CACNB2: variants seen among roughly 807,000 people sequenced by gnomAD.
The protein encoded by CACNB2 is calcium voltage-gated channel auxiliary subunit beta 2, also known as voltage-dependent L-type calcium channel subunit beta-2.
In CACNB2, 42 loss-of-function variants were observed where a neutral mutation model predicts 73.3. That is an observed-to-expected ratio of 0.57 (90% CI 0.45 to 0.74). CACNB2 has a LOEUF of 0.74. Ranked by LOEUF, CACNB2 falls within the 30% of genes least tolerant of loss-of-function variation. CACNB2 has a pLI of 0.00. For synonymous variants in CACNB2, 348 were observed against 310.3 expected (o/e 1.12, Z -1.28); for missense variants, 940 against 853.0 (o/e 1.10, Z -1.27).
At chr10:18,141,191 G>A in intron 1 of CACNB2, 1 of 1,466,830 alleles carries the variant, frequency 6.8e-7, no homozygotes, top group Non-Finnish European at 9.2e-7. Context: ...TGAATCAGGG[G>A]AGTGGACTGG....
chr10:18,282,838 G>C (rs576563887), intron 2 of CACNB2, among the ~76,000 whole-genome samples: 47 of 152,296 alleles, frequency 3.1e-4, no homozygotes, highest in African/African-American at 1.1e-3. Context: ...TCTAATTAAA[G>C]AGCTTCTGCA....
chr10:18,155,478 G>C (rs1254181063), intron 2 of CACNB2, among the ~76,000 whole-genome samples: 1 of 152,182 alleles, frequency 6.6e-6, no homozygotes, highest in African/African-American at 2.4e-5. Context: ...TAGACATTGG[G>C]CCATTTCCAG....
At chr10:18,527,358 C>A (rs187817539) in intron 9 of CACNB2, among the ~76,000 whole-genome samples, 135 of 151,804 alleles carry the variant, frequency 8.9e-4, no homozygotes, top group Non-Finnish European at 1.6e-3. Context: ...CCTGGGCAGC[C>A]TGGGCGAGAC....
At chr10:18,356,266 C>A (rs1353244606) in intron 2 of CACNB2, among the ~76,000 whole-genome samples, 1 of 152,216 alleles carries the variant, frequency 6.6e-6, no homozygotes. Context: ...GCCCAGCACC[C>A]ACTTTGCATC....
intron 2 of CACNB2, among the ~76,000 whole-genome samples, chr10:18,234,757 A>G (rs969455816): frequency 7.2e-5 from 11 of 152,328 alleles, no homozygotes; most frequent in South Asian, 2.1e-4. Flanking sequence ...TACGGAGTTC[A>G]GTTTGGGATG....
At chr10:18,518,721 C>T (rs1240529675) in intron 8 of CACNB2, among the ~76,000 whole-genome samples, 189 bp from the exon 9 acceptor site, 2 of 152,172 alleles carry the variant, frequency 1.3e-5, no homozygotes, top group African/African-American at 4.8e-5. Context: ...ACTAAAACAT[C>T]ATGATAAGTT....
intron 4 of CACNB2, among the ~76,000 whole-genome samples, chr10:18,499,805 T>TACAAA (rs756799139): frequency 2.5e-5 from 3 of 117,776 alleles, no homozygotes; most frequent in African/African-American, 9.8e-5. Flanking sequence ...ACCCCATCTC[T>TACAAA]AAAAAAAAAA....
Position 18,539,476 on chromosome 10 carries a change from G to A in CACNB2, c.1735G>A (p.Val579Met), listed in dbSNP as rs544535665. 39 of 1,613,840 alleles carry A rather than the reference G, an allele frequency of 2.4e-5. No homozygotes were observed. Among genetic ancestry groups the A allele is most frequent in the East Asian group, 6.7e-5 (3 of 44,864 alleles). ...AAAGGAAGATTATTCCCATGACCAC[G>A]TGGACCACTATGCCTCACACCGTGA... ...EPKEDYSHDH[V>M]DHYASHRDHN... The change falls in exon 14 of 14, where the codon GTG (valine) becomes ATG (methionine). Residue 579 changes from valine to methionine, a missense_variant. Physicochemically the swap from Val to Met is conservative, Grantham distance 21 (BLOSUM62 1). Coordinates refer to ENST00000324631, the MANE Select transcript of CACNB2 (RefSeq NM_201596.3).
chr10:18,161,609 A>T (rs2032463514), intron 2 of CACNB2, among the ~76,000 whole-genome samples: 1 of 148,216 alleles, frequency 6.7e-6, no homozygotes, highest in East Asian at 2.0e-4. Flanking sequence ...CGCATCTGAA[A>T]GTTGGAACAT....
At chr10:18,150,853 G>GTGTTTTTT in intron 1 of CACNB2, 30 bp from the exon 2 acceptor site, 1 of 655,042 alleles carries the variant, frequency 1.5e-6, no homozygotes, top group Non-Finnish European at 2.1e-6. Flanking sequence ...AATCTTATTT[G>GTGTTTTTT]TCTTTTTTTT....
At chr10:18,411,503 A>G (rs972476055) in intron 3 of CACNB2, among the ~76,000 whole-genome samples, 2 of 139,154 alleles carry the variant, frequency 1.4e-5, no homozygotes, top group Admixed American at 7.4e-5. Context: ...TGTGTCTTTG[A>G]GCATTTTTTT....
At chr10:18,460,340 G>A (rs2047503367) in intron 3 of CACNB2, among the ~76,000 whole-genome samples, 1 of 152,088 alleles carries the variant, frequency 6.6e-6, no homozygotes, top group Admixed American at 6.5e-5. Flanking sequence ...TGAGCTCTCG[G>A]AGGTTTAGTA....
At chr10:18,401,170 G>A (rs1436313837) in intron 2 of CACNB2, 2 of 1,577,344 alleles carry the variant, frequency 1.3e-6, no homozygotes, top group Non-Finnish European at 1.7e-6. Context: ...TGCAGTGAGT[G>A]CAGGTAGAGA....
At chr10:18,520,013 TTCC>T (rs2051691105) in intron 9 of CACNB2, 3 of 291,772 alleles carry the variant, frequency 1.0e-5, no homozygotes, top group Non-Finnish European at 1.3e-5. Flanking sequence ...TTGCTGATAC[TTCC>T]TCATCAACTG....
At chr10:18,220,134 TATATATATATATATATATATAC>T (rs1253052700) in intron 2 of CACNB2, among the ~76,000 whole-genome samples, 108 of 38,508 alleles carry the variant, frequency 2.8e-3, no homozygotes, top group African/African-American at 4.5e-3. Context: ...TATATATATA[TATATATATATATATATATATAC>T]ACACACACAC....
At chr10:18,253,714 C>G (rs72784214) in intron 2 of CACNB2, among the ~76,000 whole-genome samples, 169 of 152,264 alleles carry the variant, frequency 1.1e-3, no homozygotes, top group Non-Finnish European at 2.0e-3. Context: ...TTCTCACTTC[C>G]TCCACTCCCT....
At chr10:18,265,592 A>G (rs1246847943) in intron 2 of CACNB2, among the ~76,000 whole-genome samples, 2 of 152,252 alleles carry the variant, frequency 1.3e-5, no homozygotes, top group African/African-American at 4.8e-5. Flanking sequence ...TGTTACTGAC[A>G]GAGATATATA....
chr10:18,174,996 A>G (rs2033494585), intron 2 of CACNB2, among the ~76,000 whole-genome samples: 1 of 152,222 alleles, frequency 6.6e-6, no homozygotes, highest in African/African-American at 2.4e-5. Context: ...TTATAAATAG[A>G]TAAATAAAAT....
chr10:18,508,523 A>G (rs2050605784), intron 6 of CACNB2, among the ~76,000 whole-genome samples: 1 of 152,186 alleles, frequency 6.6e-6, no homozygotes, highest in Non-Finnish European at 1.5e-5. Context: ...GAAAAAGACT[A>G]TGTCACCTTG....
Sources: gnomAD v4.1 joint callset for allele counts (sites outside exome capture counted in the v4.1 genomes callset) on GRCh38, gnomAD v4.1.1 for gene constraint, MANE v1.5 for transcripts, NCBI Gene and HGNC (gene_info 2026-07-23, HGNC 2026-07-21) for gene names.